The following ANK1 variants were observed in gnomAD, a reference collection of about 807,000 sequenced individuals.
ANK1 encodes ankyrin-1.
Under a neutral mutation model 210.4 loss-of-function variants are expected in ANK1, and 51 were observed. That is an observed-to-expected ratio of 0.24 (90% CI 0.19 to 0.31). The LOEUF is 0.31. ANK1 is among the 10% of genes least tolerant of loss of function. The pLI, the probability that ANK1 is intolerant of heterozygous loss-of-function variation, is 1.00. For synonymous variants in ANK1, 967 were observed against 1,025.9 expected (o/e 0.94, Z 1.10); for missense variants, 2,051 against 2,504.4 (o/e 0.82, Z 3.86).
chr8:41,740,769 G>C (rs924486466), intron 2 of ANK1, among the ~76,000 whole-genome samples: 1 of 152,198 alleles, frequency 6.6e-6, no homozygotes, highest in Non-Finnish European at 1.5e-5. Flanking sequence ...CAGGCCTCTG[G>C]GGCTGACACA....
chr8:41,709,216 A>G (rs578070473), intron 16 of ANK1, among the ~76,000 whole-genome samples: 2 of 152,358 alleles, frequency 1.3e-5, no homozygotes, highest in South Asian at 2.1e-4. Flanking sequence ...GTTTTCTGTT[A>G]TGCTTTGACA....
At chr8:41,701,479 AG>A in intron 22 of ANK1, 70 bp downstream of exon 22, 1 of 1,437,236 alleles carries the variant, frequency 7.0e-7, no homozygotes, top group Non-Finnish European at 9.8e-7. Flanking sequence ...GGCAGGTGGC[AG>A]GAAGCCCCCT....
chr8:41,705,200 C>T (rs1242906924), intron 18 of ANK1, among the ~76,000 whole-genome samples: 1 of 152,200 alleles, frequency 6.6e-6, no homozygotes, highest in Non-Finnish European at 1.5e-5. Flanking sequence ...GCTCCTTGGT[C>T]CCAAGTGTCC....
At chr8:41,681,091 T>C (rs1346216047) in intron 37 of ANK1, among the ~76,000 whole-genome samples, 1 of 152,176 alleles carries the variant, frequency 6.6e-6, no homozygotes, top group Non-Finnish European at 1.5e-5. Context: ...CCAGAGGTAA[T>C]AATCGTCCTG....
intron 1 of ANK1, among the ~76,000 whole-genome samples, chr8:41,882,411 C>A (rs1344285589): frequency 6.6e-6 from 1 of 152,144 alleles, no homozygotes; most frequent in Non-Finnish European, 1.5e-5. Flanking sequence ...TTCCCTCTCT[C>A]CTCTCCCCAG....
intron 9 of ANK1, among the ~76,000 whole-genome samples, chr8:41,721,336 G>A (rs1421794371): frequency 6.6e-6 from 1 of 152,070 alleles, no homozygotes; most frequent in African/African-American, 2.4e-5. Flanking sequence ...GAGAGACCTG[G>A]AAAAGATGTT....
chr8:41,805,207 GTC>G (rs113165187), intron 1 of ANK1, among the ~76,000 whole-genome samples: 72 of 136,424 alleles, frequency 5.3e-4, no homozygotes, highest in South Asian at 7.1e-4. Flanking sequence ...CCCTCTTTTT[GTC>G]TCTCTCTCTC....
In ANK1 at chr8:41,758,221, A is replaced by C. The variant is rs142491546; in HGVS notation, c.28-84T>G. On this transcript the variant is annotated intron_variant, in intron 1 of 42. Transcript: ENST00000289734. ...CGTTCAAGTCCCAGGCCCCCGCAGC[A>C]GCCCCTGCATCCTCTGATGTGGCAC... 1.3e-4 allele frequency: 162 copies of C among 1,223,646 alleles called. 2 individuals carry two copies. In the East Asian group the frequency reaches 3.7e-3, roughly 28 times the overall value. 75.8% of individuals were successfully genotyped at this position (1,223,646 alleles called of 1,614,324 possible).
chr8:41,837,297 A>C (rs547314138), intron 1 of ANK1, among the ~76,000 whole-genome samples: 4 of 152,348 alleles, frequency 2.6e-5, no homozygotes, highest in Admixed American at 2.6e-4. Context: ...AAGTGAACAA[A>C]GACAGAAGCA....
intron 11 of ANK1, 107 bp from the exon 12 acceptor site, chr8:41,717,809 A>T: frequency 8.8e-7 from 1 of 1,138,490 alleles, no homozygotes; most frequent in Non-Finnish European, 1.3e-6. Flanking sequence ...TTCCAAGAAA[A>T]GGGAGCTATA....
At chr8:41,703,953 T>C (rs1823822524) in intron 20 of ANK1, 88 bp downstream of exon 20, 3 of 1,257,862 alleles carry the variant, frequency 2.4e-6, no homozygotes, top group Admixed American at 3.4e-5. Context: ...CCTAGACACG[T>C]GCATTAACCT....
chr8:41,668,224 G>A, intron 39 of ANK1, 43 bp downstream of exon 39: 1 of 1,613,184 alleles, frequency 6.2e-7, no homozygotes, highest in Non-Finnish European at 8.5e-7. Flanking sequence ...CCCTTCCGAT[G>A]CTGGGAAGGA....
chr8:41,842,151 A>G (rs1195155520), intron 1 of ANK1, among the ~76,000 whole-genome samples: 1 of 152,228 alleles, frequency 6.6e-6, no homozygotes, highest in Non-Finnish European at 1.5e-5. Flanking sequence ...TGGACAGGGC[A>G]GGAAGTAAAG....
At chr8:41,779,757 C>T (rs780185559) in intron 1 of ANK1, among the ~76,000 whole-genome samples, 1 of 152,202 alleles carries the variant, frequency 6.6e-6, no homozygotes. Flanking sequence ...GAAAACAGGG[C>T]ACAGAGAGGT....
At position 41,701,398 on chromosome 8, in the gene ANK1, T is replaced by C. The variant is rs1029189919; in HGVS notation, c.2461+152A>G. The C allele has an allele frequency of 4.4e-6, 3 of 674,436 alleles. No individual in the cohort carries two copies. The African/African-American group carries it at 5.4e-5, about 12-fold the overall frequency. The allele number at this position is 674,436 out of a possible 1,614,324, so 41.8% of individuals were successfully genotyped here. A position where few individuals can be genotyped will look rare whatever the true frequency, so the allele number is the denominator to read the frequency against. On this transcript the variant is annotated intron_variant, in intron 22 of 42. Coordinates refer to ENST00000289734, the MANE Select transcript of ANK1 (RefSeq NM_000037.4). The stretch of plus-strand genomic sequence containing the variant: ...AGTATTTTTGATAGTAGACAACAGT[T>C]ATAAAAACCAGGTCTCCCCAGTTTC...
At chr8:41,770,164 G>A (rs1842735421) in intron 1 of ANK1, among the ~76,000 whole-genome samples, 1 of 151,884 alleles carries the variant, frequency 6.6e-6, no homozygotes, top group Non-Finnish European at 1.5e-5. Flanking sequence ...TATTTTTTTA[G>A]TAGAGATGGG....
At position 41,684,336 on chromosome 8, in the gene ANK1, T is replaced by C. The variant is rs1817030379; in HGVS notation, c.4537+208A>G. The C allele has an allele frequency of 7.3e-6, 6 of 818,070 alleles. No homozygotes were observed. The East Asian group carries it at 1.3e-4, about 18-fold the overall frequency. The allele number at this position is 818,070 out of a possible 1,614,324, so 50.7% of individuals were successfully genotyped here. The stretch of plus-strand genomic sequence containing the variant: ...GCTGCAAAGGCTAAGGCGGAGGCGA[T>C]GCCCACCTGCACAGGAGCAGCCATC... On this transcript the variant is annotated intron_variant, in intron 37 of 42. Coordinates refer to ENST00000289734, the MANE Select transcript of ANK1 (RefSeq NM_000037.4).
At chr8:41,888,323 G>C (rs558324171) in intron 1 of ANK1, among the ~76,000 whole-genome samples, 1 of 152,184 alleles carries the variant, frequency 6.6e-6, no homozygotes, top group South Asian at 2.1e-4. Context: ...AGGTACACAC[G>C]TATACACACG....
intron 3 of ANK1, among the ~76,000 whole-genome samples, chr8:41,728,862 T>C (rs1831398829): frequency 6.6e-6 from 1 of 152,252 alleles, no homozygotes; most frequent in Non-Finnish European, 1.5e-5. Flanking sequence ...GGACACACAC[T>C]GGAAGGCTTG....
Sources: allele counts gnomAD v4.1 joint callset (sites outside exome capture counted in the v4.1 genomes callset), GRCh38; gene constraint gnomAD v4.1.1; transcripts MANE v1.5; gene names NCBI Gene and HGNC (gene_info 2026-07-23, HGNC 2026-07-21).